Variants in DENND1B observed in about 807,000 individuals in gnomAD.
The protein encoded by DENND1B is DENN domain containing 1B.
Under a neutral mutation model 90.1 loss-of-function variants are expected in DENND1B, and 59 were observed. The ratio of observed to expected loss-of-function variants is 0.65; its 90% CI spans 0.53 to 0.81. The LOEUF is 0.81. DENND1B is among the 40% of genes least tolerant of loss of function. DENND1B has a pLI of 0.00. For synonymous variants in DENND1B, 337 were observed against 324.6 expected (o/e 1.04, Z -0.41); for missense variants, 862 against 912.6 (o/e 0.94, Z 0.71).
chr1:197,643,621 T>C (rs1173930278), intron 9 of DENND1B, among the ~76,000 whole-genome samples: 2 of 152,184 alleles, frequency 1.3e-5, no homozygotes, highest in Non-Finnish European at 2.9e-5. Flanking sequence ...ACCCAAAGGA[T>C]GAGGTGAATT....
chr1:197,680,290 G>A (rs571643742), intron 3 of DENND1B, among the ~76,000 whole-genome samples: 32 of 152,054 alleles, frequency 2.1e-4, no homozygotes, highest in African/African-American at 5.5e-4. Flanking sequence ...ATATATCTCC[G>A]CTTCATTCAC....
chr1:197,699,944 C>T (rs1246044921), intron 3 of DENND1B, among the ~76,000 whole-genome samples: 2 of 152,048 alleles, frequency 1.3e-5, no homozygotes, highest in Non-Finnish European at 2.9e-5. Flanking sequence ...CAAACCACTG[C>T]TCAAGGAAAT....
intron 8 of DENND1B, among the ~76,000 whole-genome samples, chr1:197,646,000 A>G (rs1775448): frequency 0.7 from 106,033 of 151,554 alleles, 37,343 homozygotes; most frequent in East Asian, 0.79. Context: ...TAGGGAAAAA[A>G]TGTTAAGGCA....
At chr1:197,623,089 T>G (rs1364858924) in intron 10 of DENND1B, among the ~76,000 whole-genome samples, 1 of 151,322 alleles carries the variant, frequency 6.6e-6, no homozygotes, top group African/African-American at 2.4e-5. Flanking sequence ...GCCTCATTCT[T>G]TTGTAGAAAT....
At chr1:197,535,989 G>A (rs1450956323) in intron 20 of DENND1B, among the ~76,000 whole-genome samples, 1 of 151,916 alleles carries the variant, frequency 6.6e-6, no homozygotes, top group Admixed American at 6.6e-5. Context: ...AGCATTAAAG[G>A]GGGAGTGGGA....
chr1:197,510,960 C>G lies in DENND1B; in HGVS notation c.1828G>C (p.Ala610Pro). The stretch of plus-strand genomic sequence containing the variant: ...AAAGCCAGGTTATTCTCACTAGGAG[C>G]ATTAGATTTATTCTGAAAAAAAGAA... ...IDYKPTNKSN[A>P]PSENNLAFLC... Residue 610 changes from alanine to proline, a missense_variant, in exon 23 of 23, where the codon GCT (alanine) becomes CCT (proline). Coordinates refer to ENST00000620048, the MANE Select transcript of DENND1B (RefSeq NM_001195215.2). 2 of 1,507,710 alleles carry G rather than the reference C, an allele frequency of 1.3e-6. No individual in the cohort carries two copies. The highest frequency in any genetic ancestry group is 1.8e-6 in the Non-Finnish European group (2 of 1,129,438). The allele number at this position is 1,507,710 out of a possible 1,614,324, so 93.4% of individuals were successfully genotyped here.
At chr1:197,755,686 G>A (rs367564102) in intron 2 of DENND1B, among the ~76,000 whole-genome samples, 2 of 152,154 alleles carry the variant, frequency 1.3e-5, no homozygotes, top group Admixed American at 6.6e-5. Flanking sequence ...AAAGAAAGAG[G>A]TTTATTGGAC....
At chr1:197,675,607 T>A (rs1400741454) in intron 3 of DENND1B, among the ~76,000 whole-genome samples, 1 of 152,174 alleles carries the variant, frequency 6.6e-6, no homozygotes, top group Non-Finnish European at 1.5e-5. Flanking sequence ...AAACTTGCAG[T>A]AAGTTAAATT....
At chr1:197,595,408 C>G in intron 13 of DENND1B, 75 bp from the exon 14 acceptor site, 1 of 1,564,302 alleles carries the variant, frequency 6.4e-7, no homozygotes, top group East Asian at 2.3e-5. Flanking sequence ...AATCAGCAGG[C>G]AAACCACAGT....
In DENND1B at chr1:197,658,459, A is replaced by G. The variant is rs1230845438; in HGVS notation, c.297-90T>C. 4 of 906,738 alleles carry G rather than the reference A, an allele frequency of 4.4e-6. No individual in the cohort carries two copies. The African/African-American group carries it at 6.8e-5, about 15-fold the overall frequency. The allele number at this position is 906,738 out of a possible 1,614,324, so 56.2% of individuals were successfully genotyped here. A position where few individuals can be genotyped will look rare whatever the true frequency, so the allele number is the denominator to read the frequency against. On this transcript the variant is annotated intron_variant, in intron 5 of 22. Transcript: ENST00000620048. ...ACATTTAATTCATATTAATTCAAAC[A>G]GGTTAATCCTGGAGGTCAAAAAAGA...
At chr1:197,630,858 A>G (rs554428392) in intron 10 of DENND1B, among the ~76,000 whole-genome samples, 2 of 152,234 alleles carry the variant, frequency 1.3e-5, no homozygotes, top group African/African-American at 4.8e-5. Context: ...AATGAACAAA[A>G]CATACAAAAA....
chr1:197,721,680 A>G (rs1661196516), intron 2 of DENND1B, among the ~76,000 whole-genome samples: 1 of 152,008 alleles, frequency 6.6e-6, no homozygotes, highest in African/African-American at 2.4e-5. Flanking sequence ...AATAATTTAT[A>G]TTTTCCTTTA....
At chr1:197,742,973 C>T (rs753445670) in intron 2 of DENND1B, among the ~76,000 whole-genome samples, 45 of 152,220 alleles carry the variant, frequency 3.0e-4, no homozygotes, top group Non-Finnish European at 5.9e-4. Context: ...AACTGAGACA[C>T]CTCAGAAAGG....
chr1:197,507,149 C>CATT lies in DENND1B; in HGVS notation c.*3308_*3310dup, dbSNP rs67506479. The CATT allele has an allele frequency of 5.9e-4, 84 of 142,816 alleles. No homozygotes were observed. The highest frequency in any genetic ancestry group is 1.9e-3 in the African/African-American group (76 of 39,354). The allele number at this position is 142,816 out of a possible 1,614,324, so 8.8% of individuals were successfully genotyped here. ...CAGCTAATAACTTCCAGGCAAAACA[C>CATT]ATTATTATTATTATTATTATTATTA... On this transcript the variant is annotated 3_prime_UTR_variant, in exon 23 of 23. Coordinates refer to ENST00000620048, the MANE Select transcript of DENND1B (RefSeq NM_001195215.2).
intron 10 of DENND1B, among the ~76,000 whole-genome samples, chr1:197,626,760 A>G (rs1678780723): frequency 6.6e-6 from 1 of 152,112 alleles, no homozygotes; most frequent in Non-Finnish European, 1.5e-5. Flanking sequence ...TGAAAGGATC[A>G]ACAAAATTGA....
At chr1:197,737,686 A>G (rs573807802) in intron 2 of DENND1B, among the ~76,000 whole-genome samples, 1 of 152,328 alleles carries the variant, frequency 6.6e-6, no homozygotes, top group South Asian at 2.1e-4. Context: ...AAAAACATTC[A>G]CATAGGTATC....
At chr1:197,588,136 C>T (rs1216249104) in intron 14 of DENND1B, among the ~76,000 whole-genome samples, 3 of 152,188 alleles carry the variant, frequency 2.0e-5, no homozygotes, top group East Asian at 1.9e-4. Context: ...CAGCACCCAA[C>T]CCAGTACCCT....
intron 12 of DENND1B, among the ~76,000 whole-genome samples, chr1:197,611,561 A>C (rs1027485697): frequency 1.1e-4 from 16 of 150,774 alleles, no homozygotes; most frequent in Non-Finnish European, 2.1e-4. Context: ...ATTTTACTTC[A>C]TGACTCATAA....
chr1:197,609,378 T>G (rs982804359), intron 12 of DENND1B, among the ~76,000 whole-genome samples: 2 of 150,538 alleles, frequency 1.3e-5, no homozygotes, highest in African/African-American at 4.9e-5. Context: ...GGGTCAACAT[T>G]TTATTTAGAA....
Sources: gnomAD v4.1 joint callset for allele counts (sites outside exome capture counted in the v4.1 genomes callset) on GRCh38, gnomAD v4.1.1 for gene constraint, MANE v1.5 for transcripts, NCBI Gene and HGNC (gene_info 2026-07-23, HGNC 2026-07-21) for gene names.